The following RPF2 variants were observed in gnomAD, a reference collection of about 807,000 sequenced individuals.
The protein encoded by RPF2 is brix domain containing 1.
Under a neutral mutation model 38.9 loss-of-function variants are expected in RPF2, and 21 were observed. That is an observed-to-expected ratio of 0.54 (90% CI 0.38 to 0.78). The LOEUF (loss-of-function observed/expected upper bound fraction) is 0.78. Ranked by LOEUF, RPF2 falls within the 30% of genes least tolerant of loss-of-function variation. The pLI, the probability that RPF2 is intolerant of heterozygous loss-of-function variation, is 0.00. For missense variants in RPF2, 314 were observed against 358.1 expected (o/e 0.88, Z 0.99); for synonymous variants, 121 against 126.2 (o/e 0.96, Z 0.28).
chr6:110,994,071 G>C (rs1771665161), intron 4 of RPF2, among the ~76,000 whole-genome samples: 1 of 152,004 alleles, frequency 6.6e-6, no homozygotes, highest in Non-Finnish European at 1.5e-5. Flanking sequence ...AAGGTCAGGA[G>C]TTCGAGACCA....
chr6:110,991,398 CTT>C (rs35689923), intron 3 of RPF2, among the ~76,000 whole-genome samples: 24 of 135,452 alleles, frequency 1.8e-4, no homozygotes, highest in Admixed American at 3.0e-4. Context: ...GCGCCCCCTG[CTT>C]TTTTTTTTTT....
At chr6:111,012,583 G>T (rs1772038910) in intron 7 of RPF2, among the ~76,000 whole-genome samples, 1 of 152,124 alleles carries the variant, frequency 6.6e-6, no homozygotes, top group African/African-American at 2.4e-5. Flanking sequence ...GCCTGGACAG[G>T]TGAGTAGCTT....
chr6:110,982,883 C>A (rs770133918), intron 1 of RPF2, among the ~76,000 whole-genome samples: 2 of 152,176 alleles, frequency 1.3e-5, no homozygotes, highest in African/African-American at 4.8e-5. Context: ...GGGACTAGTT[C>A]ACACGTTAAT....
At position 110,983,589 on chromosome 6, in the gene RPF2, C is replaced by T. The variant is rs1362649723; in HGVS notation, c.24-1417C>T. 2.0e-5 allele frequency among the ~76,000 whole-genome samples: 3 copies of T among 152,136 alleles called. No individual in the cohort carries two copies. The East Asian group carries it at 5.8e-4, about 29-fold the overall frequency. ...GAACTTCTGGGCTCAGTGATCCATCCACCTTGGCCTCCTAGAGTGTTTTTA... is the reference window on the plus strand; with the variant it reads ...GAACTTCTGGGCTCAGTGATCCATCTACCTTGGCCTCCTAGAGTGTTTTTA... On this transcript the variant is annotated intron_variant, in intron 1 of 9. Coordinates refer to ENST00000441448, the MANE Select transcript of RPF2 (RefSeq NM_032194.3).
chr6:110,994,732 T>TACACACAC (rs754731328), intron 4 of RPF2, among the ~76,000 whole-genome samples: 3,004 of 101,722 alleles, frequency 0.03, 54 homozygotes, highest in African/African-American at 0.046. Context: ...GATGAGTATA[T>TACACACAC]ATACACACAC....
intron 3 of RPF2, among the ~76,000 whole-genome samples, chr6:110,990,838 G>T (rs1771608346): frequency 6.6e-6 from 1 of 152,172 alleles, no homozygotes; most frequent in African/African-American, 2.4e-5. Context: ...CTCTCAAAGT[G>T]CTGGGATTAC....
Position 110,999,693 on chromosome 6 carries a change from A to C in RPF2, c.317-18A>C. 6.5e-7 allele frequency: 1 copy of C among 1,549,736 alleles called. No individual in the cohort carries two copies. The highest frequency in any genetic ancestry group is 1.7e-5 in the Admixed American group (1 of 59,748). On this transcript the variant is annotated intron_variant, in intron 5 of 9. Transcript: ENST00000441448. ...TCTTTGGGAAAAATACATGCTTAAA[A>C]ATACATTTTCCTTCCAGGTCGTATG...
rs1397812113 is a variant in RPF2, at chr6:111,016,683, C to CTTTTTTTTTT, written c.596+830_596+831insTTTTTTTTTT. On this transcript the variant is annotated intron_variant, in intron 8 of 9. Transcript: ENST00000441448. ...GTAATTGTGGTTCTTTTTTTTTTTT[C>CTTTTTTTTTT]TTTCTTTTTTTTTTTTTTAATTGAT... Among the ~76,000 whole-genome samples, 12 of 105,936 alleles carry CTTTTTTTTTT rather than the reference C, an allele frequency of 1.1e-4. 1 individual carries two copies. Among genetic ancestry groups the CTTTTTTTTTT allele is most frequent in the African/African-American group, 2.0e-4 (5 of 24,634 alleles). The allele number at this position is 105,936 out of a possible 152,430, so 69.5% of individuals were successfully genotyped here.
chr6:111,000,173 A>G (rs1042574756), intron 6 of RPF2, among the ~76,000 whole-genome samples: 1 of 152,010 alleles, frequency 6.6e-6, no homozygotes, highest in Non-Finnish European at 1.5e-5. Context: ...TGGCATGAAC[A>G]TGGCTTACTT....
At chr6:110,993,023 A>C (rs1476415325) in intron 4 of RPF2, among the ~76,000 whole-genome samples, 1 of 152,116 alleles carries the variant, frequency 6.6e-6, no homozygotes, top group African/African-American at 2.4e-5. Flanking sequence ...AGTGCATTGG[A>C]ATGATCTCTG....
chr6:110,996,831 T>G (rs1332908876), intron 4 of RPF2, among the ~76,000 whole-genome samples: 1 of 152,152 alleles, frequency 6.6e-6, no homozygotes, highest in African/African-American at 2.4e-5. Flanking sequence ...AGACAGAGTC[T>G]TACTCTGTTC....
Position 111,025,477 on chromosome 6 carries a change from C to T in RPF2, c.816C>T (p.Asp272=). Residue 272 remains aspartate (D), a synonymous_variant, in exon 10 of 10, where the codon GAC becomes GAT. Transcript: ENST00000441448. ...TYGRIHMQKQ[D]LSKLQTRKMK... is the part of the protein sequence containing the mutation. ...GAAGGATTCATATGCAGAAGCAAGA[C>T]CTAAGCAAACTACAAACCAGGAAAA... is the stretch of plus-strand genomic sequence containing the variant. 1.2e-6 allele frequency: 2 copies of T among 1,613,276 alleles called. No individual in the cohort carries two copies. The highest frequency in any genetic ancestry group is 1.1e-5 in the South Asian group (1 of 91,010).
chr6:111,022,911 G>C (rs1772258859), intron 8 of RPF2, among the ~76,000 whole-genome samples: 1 of 152,090 alleles, frequency 6.6e-6, no homozygotes, highest in African/African-American at 2.4e-5. Context: ...TTGTTTGTTT[G>C]TTTTTGAGAC....
rs543528754 is a variant in RPF2 at position 110,996,734 on chromosome 6, T to C, written c.235-449T>C. Reference sequence around the variant, plus strand: ...TGGAAATACCTTTCCTCTGTATTTTTCTTTCTGGTTCATTAAGTCTTCATT... The same window carrying C: ...TGGAAATACCTTTCCTCTGTATTTTCCTTTCTGGTTCATTAAGTCTTCATT... On this transcript the variant is annotated intron_variant, in intron 4 of 9. Coordinates refer to ENST00000441448, the MANE Select transcript of RPF2 (RefSeq NM_032194.3). Among the ~76,000 whole-genome samples, 21 of 152,350 alleles carry C rather than the reference T, an allele frequency of 1.4e-4. 1 individual carries two copies. The South Asian group carries it at 4.4e-3, about 32-fold the overall frequency.
intron 3 of RPF2, among the ~76,000 whole-genome samples, chr6:110,990,570 CCCCA>C (rs386704826): frequency 5.4e-4 from 76 of 140,608 alleles, no homozygotes; most frequent in African/African-American, 1.7e-3. Flanking sequence ...CCCCCCCCCC[CCCCA>C]CCTTTTCTTT....
intron 6 of RPF2, among the ~76,000 whole-genome samples, chr6:111,000,160 C>T (rs1326415731): frequency 6.6e-6 from 1 of 151,920 alleles, no homozygotes; most frequent in Non-Finnish European, 1.5e-5. Flanking sequence ...GGCTGGAGAG[C>T]AGTGGCATGA....
At chr6:111,019,070 C>T (rs1018802155) in intron 8 of RPF2, among the ~76,000 whole-genome samples, 6 of 151,890 alleles carry the variant, frequency 4.0e-5, no homozygotes, top group Non-Finnish European at 8.8e-5. Flanking sequence ...CAAAAATTAG[C>T]TGGACATGGT....
At chr6:111,025,238 A>G (rs574135666) in intron 9 of RPF2, among the ~76,000 whole-genome samples, 165 bp from the exon 10 acceptor site, 8 of 152,338 alleles carry the variant, frequency 5.3e-5, no homozygotes, top group African/African-American at 9.6e-5. Flanking sequence ...AGTGATTTGT[A>G]TGCACACTTA....
At chr6:111,008,700 T>C (rs1257367360) in intron 7 of RPF2, among the ~76,000 whole-genome samples, 1 of 152,124 alleles carries the variant, frequency 6.6e-6, no homozygotes, top group East Asian at 1.9e-4. Flanking sequence ...TTTCACAATA[T>C]ATAACCAATG....
Sources: allele counts gnomAD v4.1 joint callset (sites outside exome capture counted in the v4.1 genomes callset), GRCh38; gene constraint gnomAD v4.1.1; transcripts MANE v1.5; gene names NCBI Gene and HGNC (gene_info 2026-07-23, HGNC 2026-07-21).